Variants in SEMA3A observed in about 807,000 individuals in gnomAD.
SEMA3A encodes semaphorin-3A.
Under a neutral mutation model 97.9 loss-of-function variants are expected in SEMA3A, and 29 were observed. The ratio of observed to expected loss-of-function variants is 0.30; its 90% CI spans 0.22 to 0.40. The LOEUF is 0.40. Among genes scored for constraint, SEMA3A ranks in the 10% least tolerant of loss-of-function variants. The pLI, the probability that SEMA3A is intolerant of heterozygous loss-of-function variation, is 1.00. For missense variants in SEMA3A, 763 were observed against 951.3 expected (o/e 0.80, Z 2.60); for synonymous variants, 321 against 323.7 (o/e 0.99, Z 0.09).
intron 1 of SEMA3A, among the ~76,000 whole-genome samples, chr7:84,382,919 C>G (rs999589195): frequency 1.3e-5 from 2 of 151,568 alleles, no homozygotes; most frequent in African/African-American, 4.8e-5. Context: ...TATGGATTTC[C>G]CATATCATAA....
rs573328219 is a variant in SEMA3A, at chr7:84,238,356, C to T, written c.-82-43688G>A. On this transcript the variant is annotated intron_variant, in intron 3 of 3. Coordinates refer to the SEMA3A transcript ENST00000424555. The stretch of plus-strand genomic sequence containing the variant: ...TGCTGGGATTACAGGTGTGAGCCAT[C>T]GTGCCTGGTGGAATAACCAATTTTC... 2.0e-5 allele frequency among the ~76,000 whole-genome samples: 3 copies of T among 152,204 alleles called. No individual in the cohort carries two copies. The East Asian group carries it at 5.8e-4, about 30-fold the overall frequency.
intron 1 of SEMA3A, among the ~76,000 whole-genome samples, chr7:84,472,871 T>G (rs928997714): frequency 2.6e-5 from 4 of 152,128 alleles, no homozygotes; most frequent in Non-Finnish European, 5.9e-5. Context: ...TAGTATTACC[T>G]CCCAAAGTGG....
At chr7:84,242,165 GA>G (rs1208196755) in intron 3 of SEMA3A, among the ~76,000 whole-genome samples, 3 of 152,126 alleles carry the variant, frequency 2.0e-5, no homozygotes, top group Non-Finnish European at 2.9e-5. Flanking sequence ...ATTCTGTTAA[GA>G]AAGTCAATGG....
intron 1 of SEMA3A, among the ~76,000 whole-genome samples, chr7:84,419,097 C>T (rs1804518222): frequency 6.6e-6 from 1 of 151,926 alleles, no homozygotes; most frequent in South Asian, 2.1e-4. Context: ...TTATGTATGG[C>T]TATATGAGAT....
At chr7:84,240,473 A>G (rs1799333073) in intron 3 of SEMA3A, among the ~76,000 whole-genome samples, 1 of 152,192 alleles carries the variant, frequency 6.6e-6, no homozygotes, top group East Asian at 1.9e-4. Context: ...AGATGGAAGT[A>G]GAAAGAAAGA....
chr7:84,480,855 C>T (rs1806425400), intron 1 of SEMA3A, among the ~76,000 whole-genome samples: 1 of 151,800 alleles, frequency 6.6e-6, no homozygotes, highest in African/African-American at 2.4e-5. Flanking sequence ...AGTGTTTTGA[C>T]TTAGGAATTA....
At chr7:84,128,867 GCA>G (rs1482758783) in intron 3 of SEMA3A, among the ~76,000 whole-genome samples, 1 of 151,958 alleles carries the variant, frequency 6.6e-6, no homozygotes, top group African/African-American at 2.4e-5. Flanking sequence ...CAGACACACA[GCA>G]CAGTTTTTTT....
chr7:84,441,066 G>A (rs962545823), intron 1 of SEMA3A, among the ~76,000 whole-genome samples: 1 of 152,090 alleles, frequency 6.6e-6, no homozygotes, highest in African/African-American at 2.4e-5. Flanking sequence ...GCTGAGGCAG[G>A]AGAATCACTT....
At chr7:84,408,245 C>T (rs960117751) in intron 1 of SEMA3A, among the ~76,000 whole-genome samples, 86 of 152,128 alleles carry the variant, frequency 5.7e-4, no homozygotes, top group Non-Finnish European at 7.6e-4. Flanking sequence ...TATGAACAGA[C>T]GCTTCTCAAA....
intron 2 of SEMA3A, among the ~76,000 whole-genome samples, chr7:84,330,566 T>C (rs542207518): frequency 1.3e-5 from 2 of 152,090 alleles, no homozygotes; most frequent in Non-Finnish European, 2.9e-5. Flanking sequence ...ATGTACATTT[T>C]CATCTCTTAT....
At chr7:84,282,752 G>A (rs1800473949) in intron 3 of SEMA3A, among the ~76,000 whole-genome samples, 1 of 152,092 alleles carries the variant, frequency 6.6e-6, no homozygotes, top group South Asian at 2.1e-4. Context: ...AGTGGCTCAT[G>A]CCTGTAATCC....
intron 1 of SEMA3A, among the ~76,000 whole-genome samples, chr7:84,397,304 T>C (rs1439668177): frequency 6.6e-6 from 1 of 151,588 alleles, no homozygotes; most frequent in African/African-American, 2.4e-5. Flanking sequence ...TAAAAATTTA[T>C]TTTACTTAAA....
chr7:84,189,075 T>C (rs1289746680), intron 1 of SEMA3A, among the ~76,000 whole-genome samples: 1 of 151,834 alleles, frequency 6.6e-6, no homozygotes, highest in African/African-American at 2.4e-5. Context: ...AATTCCTTTA[T>C]ATAGTGCATT....
chr7:84,341,891 G>A (rs1258957904), intron 2 of SEMA3A, among the ~76,000 whole-genome samples: 1 of 151,986 alleles, frequency 6.6e-6, no homozygotes, highest in Non-Finnish European at 1.5e-5. Flanking sequence ...CTGCTTTTAG[G>A]AGTTTATGCC....
intron 3 of SEMA3A, among the ~76,000 whole-genome samples, chr7:84,277,851 T>A (rs1800347184): frequency 6.6e-6 from 1 of 152,066 alleles, no homozygotes; most frequent in Non-Finnish European, 1.5e-5. Flanking sequence ...TTTTTTCCAT[T>A]GTCTTGGATG....
chr7:84,345,027 A>G (rs1185800916), intron 2 of SEMA3A, among the ~76,000 whole-genome samples: 1 of 152,226 alleles, frequency 6.6e-6, no homozygotes, highest in Admixed American at 6.5e-5. Context: ...TTAAATAGAC[A>G]CTATACCAAA....
chr7:83,986,094 T>C lies in SEMA3A; in HGVS notation c.1453-617A>G, dbSNP rs564851458. Among the ~76,000 whole-genome samples the C allele has an allele frequency of 2.0e-5, 3 of 152,238 alleles. No homozygotes were observed. In the South Asian group the frequency reaches 6.2e-4, roughly 32 times the overall value. Reference sequence around the variant, plus strand: ...ATCTTGATTCAGCATGGTCTCAGAGTGGTCCTTTCTGATGTTGGTATTCTG... The same window carrying C: ...ATCTTGATTCAGCATGGTCTCAGAGCGGTCCTTTCTGATGTTGGTATTCTG... On this transcript the variant is annotated intron_variant, in intron 12 of 16. Coordinates refer to ENST00000265362, the MANE Select transcript of SEMA3A (RefSeq NM_006080.3).
At position 84,404,626 on chromosome 7, in the gene SEMA3A, G is replaced by A. The variant is rs201209025; in HGVS notation, c.-245-32726C>T. Among the ~76,000 whole-genome samples the A allele has an allele frequency of 1.2e-3, 182 of 152,246 alleles. 8 individuals carry two copies. In the East Asian group the frequency reaches 0.034, roughly 28 times the overall value. On this transcript the variant is annotated intron_variant, in intron 1 of 3. Transcript: ENST00000424555. ...CCAAAGTTGAAATGAAGGAAAAAAT[G>A]TTAAGGGCAGCCAGAGAGAAAGGTC... is the stretch of plus-strand genomic sequence containing the variant.
At chr7:84,385,036 A>C (rs1334344404) in intron 1 of SEMA3A, among the ~76,000 whole-genome samples, 1 of 151,384 alleles carries the variant, frequency 6.6e-6, no homozygotes, top group African/African-American at 2.4e-5. Context: ...ATATAAACTA[A>C]AAAGTCAAGT....
Sources: gnomAD v4.1 joint callset for allele counts (sites outside exome capture counted in the v4.1 genomes callset) on GRCh38, gnomAD v4.1.1 for gene constraint, MANE v1.5 for transcripts, NCBI Gene and HGNC (gene_info 2026-07-23, HGNC 2026-07-21) for gene names.